IL22RA2: variants seen among roughly 807,000 people sequenced by gnomAD.
IL22RA2 encodes the protein interleukin 22 receptor subunit alpha 2.
In IL22RA2, 39 loss-of-function variants were observed where a neutral mutation model predicts 30.7. That is an observed-to-expected ratio of 1.27 (90% CI 0.98 to 1.66). The LOEUF (loss-of-function observed/expected upper bound fraction) is 1.66, where lower values mean the gene tolerates loss of function less well. Ranked by LOEUF, IL22RA2 falls within the 40% of genes most tolerant of loss-of-function variation. The probability of loss-of-function intolerance (pLI) is 0.00; values close to 1 mark genes in which losing one functional copy is unlikely to be tolerated. For synonymous variants in IL22RA2, 103 were observed against 105.0 expected, an observed-to-expected ratio of 0.98 and a Z score of 0.11; for missense variants, 315 against 312.7, an observed-to-expected ratio of 1.01 and a Z score of -0.05.
chr6:137,147,622 A>G lies in IL22RA2; in HGVS notation c.642+100T>C. On this transcript the variant is annotated intron_variant, in intron 6 of 6. Transcript: ENST00000296980. ...GAAATTAAAGATAAGGAAAAGTAAGAGGAGGCAGAGTAGCAGAAGAGGACA... is the reference window on the plus strand; with the variant it reads ...GAAATTAAAGATAAGGAAAAGTAAGGGGAGGCAGAGTAGCAGAAGAGGACA... 3 of 959,390 alleles carry G rather than the reference A, an allele frequency of 3.1e-6. No individual in the cohort carries two copies. In the South Asian group the frequency reaches 5.8e-5, roughly 18 times the overall value. The allele number at this position is 959,390 out of a possible 1,614,324, so 59.4% of individuals were successfully genotyped here.
chr6:137,168,169 G>A (rs1416037586), intron 1 of IL22RA2, among the ~76,000 whole-genome samples: 1 of 152,132 alleles, frequency 6.6e-6, no homozygotes, highest in East Asian at 1.9e-4. Context: ...GTCTGGAAAA[G>A]GTGTGACTAA....
At chr6:137,162,836 T>C (rs1778549046) in intron 1 of IL22RA2, among the ~76,000 whole-genome samples, 1 of 152,200 alleles carries the variant, frequency 6.6e-6, no homozygotes, top group Non-Finnish European at 1.5e-5. Flanking sequence ...TCCTGGACAG[T>C]GGCAAGACAA....
intron 3 of IL22RA2, among the ~76,000 whole-genome samples, chr6:137,157,813 A>C (rs868313685): frequency 6.6e-6 from 1 of 152,118 alleles, no homozygotes; most frequent in African/African-American, 2.4e-5. Flanking sequence ...TAGCCTGAGG[A>C]TCACACGAGA....
intron 2 of IL22RA2, among the ~76,000 whole-genome samples, chr6:137,159,247 T>G (rs1778470099): frequency 6.6e-6 from 1 of 152,172 alleles, no homozygotes; most frequent in Non-Finnish European, 1.5e-5. Flanking sequence ...GGCAAGAGAA[T>G]TTTGGCAAAA....
At chr6:137,148,648 G>A (rs1199161755) in intron 5 of IL22RA2, among the ~76,000 whole-genome samples, 1 of 152,154 alleles carries the variant, frequency 6.6e-6, no homozygotes, top group African/African-American at 2.4e-5. Context: ...CCCCTCTGTG[G>A]AGTTTGGAGA....
At chr6:137,163,860 G>A (rs879933391) in intron 1 of IL22RA2, among the ~76,000 whole-genome samples, 3 of 152,178 alleles carry the variant, frequency 2.0e-5, no homozygotes, top group Non-Finnish European at 4.4e-5. Flanking sequence ...CCAAGGCGGG[G>A]TTGATGTGGG....
At chr6:137,153,792 A>G (rs1233806979) in intron 5 of IL22RA2, among the ~76,000 whole-genome samples, 1 of 152,116 alleles carries the variant, frequency 6.6e-6, no homozygotes, top group South Asian at 2.1e-4. Context: ...AGTGATAAAA[A>G]TTAATGTAAG....
intron 5 of IL22RA2, among the ~76,000 whole-genome samples, chr6:137,149,292 G>A (rs989023007): frequency 6.6e-6 from 1 of 152,166 alleles, no homozygotes; most frequent in Non-Finnish European, 1.5e-5. Context: ...TTTACTTTGA[G>A]TCTTGGATCT....
chr6:137,158,227 T>C, intron 3 of IL22RA2, 120 bp downstream of exon 3: 1 of 1,185,874 alleles, frequency 8.4e-7, no homozygotes, highest in East Asian at 2.4e-5. Context: ...ATCCTGACCT[T>C]GGCTTCTTCT....
chr6:137,146,174 G>A (rs1778174083), intron 6 of IL22RA2, among the ~76,000 whole-genome samples: 1 of 152,140 alleles, frequency 6.6e-6, no homozygotes, highest in Non-Finnish European at 1.5e-5. Context: ...TGGGATTGCA[G>A]ACGCATACCA....
chr6:137,165,640 T>A (rs1009419099), intron 1 of IL22RA2, among the ~76,000 whole-genome samples: 2 of 152,082 alleles, frequency 1.3e-5, no homozygotes, highest in African/African-American at 4.8e-5. Context: ...GGGAGATCAA[T>A]GTGTGAGATG....
chr6:137,165,915 A>G (rs2114392364), intron 1 of IL22RA2, among the ~76,000 whole-genome samples: 1 of 152,334 alleles, frequency 6.6e-6, no homozygotes, highest in East Asian at 1.9e-4. Flanking sequence ...ATGTTAAGAT[A>G]TCAAGGGCTT....
intron 6 of IL22RA2, among the ~76,000 whole-genome samples, chr6:137,146,018 A>G (rs1490785209): frequency 1.3e-5 from 2 of 152,066 alleles, no homozygotes. Flanking sequence ...CCATGGTCAG[A>G]GTCTTGTTTT....
chr6:137,151,147 TC>T (rs1778281871), intron 5 of IL22RA2, among the ~76,000 whole-genome samples: 1 of 152,138 alleles, frequency 6.6e-6, no homozygotes, highest in Non-Finnish European at 1.5e-5. Flanking sequence ...AGAGGAGGGC[TC>T]ACCCTTCCCA....
intron 1 of IL22RA2, among the ~76,000 whole-genome samples, chr6:137,163,812 T>A (rs1778573863): frequency 6.6e-6 from 1 of 150,796 alleles, no homozygotes; most frequent in African/African-American, 2.4e-5. Flanking sequence ...ATGGGGGAGG[T>A]GTGTGAAAGT....
At chr6:137,159,814 C>T (rs1778486000) in intron 2 of IL22RA2, among the ~76,000 whole-genome samples, 1 of 152,196 alleles carries the variant, frequency 6.6e-6, no homozygotes, top group Non-Finnish European at 1.5e-5. Context: ...CCACCTCCTT[C>T]AAGTCTTTGC....
intron 1 of IL22RA2, among the ~76,000 whole-genome samples, chr6:137,162,716 AC>A (rs1446087071): frequency 1.3e-5 from 2 of 152,126 alleles, no homozygotes; most frequent in Non-Finnish European, 2.9e-5. Context: ...GTCTGTGCAA[AC>A]CTACCCTTAA....
intron 5 of IL22RA2, among the ~76,000 whole-genome samples, chr6:137,152,914 A>G (rs1257434459): frequency 1.3e-5 from 2 of 152,134 alleles, no homozygotes; most frequent in Non-Finnish European, 2.9e-5. Context: ...AGGAAGATCA[A>G]TGTTGAACCC....
intron 5 of IL22RA2, among the ~76,000 whole-genome samples, chr6:137,149,765 C>A (rs1044780426): frequency 6.6e-6 from 1 of 152,192 alleles, no homozygotes; most frequent in African/African-American, 2.4e-5. Context: ...CTTGTACCTG[C>A]CTACCTTTCC....
Sources: gnomAD v4.1 joint callset for allele counts (sites outside exome capture counted in the v4.1 genomes callset) on GRCh38, gnomAD v4.1.1 for gene constraint, MANE v1.5 for transcripts, NCBI Gene and HGNC (gene_info 2026-07-23, HGNC 2026-07-21) for gene names.